Variants in MTMR9 observed in about 807,000 individuals in gnomAD.
MTMR9 encodes the protein myotubularin related protein 9.
A neutral mutation model predicts 69.5 loss-of-function variants in MTMR9; 39 were observed. The observed-to-expected ratio is 0.56, with a 90% CI of 0.43 to 0.73. The LOEUF (loss-of-function observed/expected upper bound fraction) is 0.73, where lower values mean the gene tolerates loss of function less well. Ranked by LOEUF, MTMR9 falls within the 30% of genes least tolerant of loss-of-function variation. MTMR9 has a pLI of 0.00. For synonymous variants in MTMR9, 354 were observed against 240.8 expected, an observed-to-expected ratio of 1.47 and a Z score of -4.35; for missense variants, 900 against 671.2, an observed-to-expected ratio of 1.34 and a Z score of -3.77.
At chr8:11,287,672 ATATATT>A (rs1164671147) in intron 1 of MTMR9, among the ~76,000 whole-genome samples, 2 of 141,840 alleles carry the variant, frequency 1.4e-5, no homozygotes, top group African/African-American at 2.6e-5. Flanking sequence ...TATTTATTAG[ATATATT>A]TATATTTATT....
At chr8:11,306,755 T>C (rs1799954812) in intron 5 of MTMR9, among the ~76,000 whole-genome samples, 1 of 152,218 alleles carries the variant, frequency 6.6e-6, no homozygotes, top group Non-Finnish European at 1.5e-5. Context: ...ATATATTAGT[T>C]TTAACTACAG....
At chr8:11,306,749 A>G (rs1032902311) in intron 5 of MTMR9, among the ~76,000 whole-genome samples, 3 of 152,208 alleles carry the variant, frequency 2.0e-5, no homozygotes, top group Non-Finnish European at 4.4e-5. Flanking sequence ...CATACAATAT[A>G]TTAGTTTTAA....
At chr8:11,304,426 C>T (rs764147390) in intron 3 of MTMR9, among the ~76,000 whole-genome samples, 2 of 152,058 alleles carry the variant, frequency 1.3e-5, no homozygotes, top group Non-Finnish European at 2.9e-5. Flanking sequence ...TGATGTTGGC[C>T]GTGATAATTG....
intron 6 of MTMR9, 49 bp downstream of exon 6, chr8:11,309,737 G>A (rs1238622330): frequency 2.3e-5 from 37 of 1,591,938 alleles, no homozygotes; most frequent in Non-Finnish European, 3.0e-5. Context: ...CTGCTAACTA[G>A]ACTTTGTGTT....
Position 11,284,906 on chromosome 8 carries a change from G to C in MTMR9, c.18G>C (p.Leu6=), listed in dbSNP as rs774264314. 3.1e-6 allele frequency: 5 copies of C among 1,610,940 alleles called. No individual in the cohort carries two copies. In the African/African-American group the frequency reaches 5.3e-5, roughly 17 times the overall value. The part of the protein sequence containing the change: MEFAE[L]IKTPRVDNVV... Reference sequence around the variant, plus strand: ...GGGGGAGCATGGAGTTTGCGGAGCTGATTAAGACCCCGCGGGTGGACAATG... The same window carrying C: ...GGGGGAGCATGGAGTTTGCGGAGCTCATTAAGACCCCGCGGGTGGACAATG... Residue 6 remains leucine (L), a synonymous_variant, in exon 1 of 10, where the codon CTG becomes CTC. Coordinates refer to ENST00000221086, the MANE Select transcript of MTMR9 (RefSeq NM_015458.4).
chr8:11,293,116 C>T (rs949353149), intron 1 of MTMR9, among the ~76,000 whole-genome samples: 2 of 152,180 alleles, frequency 1.3e-5, no homozygotes, highest in African/African-American at 4.8e-5. Flanking sequence ...AATATTTCCC[C>T]TGAAGACCTT....
At chr8:11,314,725 A>G (rs925062981) in intron 6 of MTMR9, among the ~76,000 whole-genome samples, 198 bp from the exon 7 acceptor site, 2 of 152,314 alleles carry the variant, frequency 1.3e-5, no homozygotes, top group African/African-American at 4.8e-5. Context: ...TCCCAAGAGA[A>G]TCTTATCTAT....
intron 2 of MTMR9, chr8:11,298,718 G>GCCCCCCCC: frequency 1.3e-6 from 1 of 798,988 alleles, no homozygotes; most frequent in Non-Finnish European, 1.5e-6. Flanking sequence ...TTTCCCCGCT[G>GCCCCCCCC]CACCCCCCCC....
Position 11,300,091 on chromosome 8 carries a change from A to G in MTMR9, c.360A>G (p.Ile120Met), listed in dbSNP as rs771044539. 1 of 1,613,712 alleles carries G rather than the reference A, an allele frequency of 6.2e-7. No homozygotes were observed. The highest frequency in any genetic ancestry group is 8.5e-7 in the Non-Finnish European group (1 of 1,179,728). The change falls in exon 3 of 10, where the codon ATA becomes ATG. Residue 120 changes from isoleucine to methionine, a missense_variant. Coordinates refer to ENST00000221086, the MANE Select transcript of MTMR9 (RefSeq NM_015458.4). Reference protein sequence around the residue: ...PFFYRPMFEVIEDGWHSFLPE... With the variant: ...PFFYRPMFEVMEDGWHSFLPE... ...TTTACCGTCCTATGTTTGAAGTGAT[A>G]GAAGATGGCTGGCATTCCTTCCTTC...
At chr8:11,338,265 A>G in the MTMR9 span, among the ~76,000 whole-genome samples, 3 of 152,232 alleles carry the variant, frequency 2.0e-5, no homozygotes, top group Non-Finnish European at 4.4e-5. Flanking sequence ...GTATGATTGC[A>G]TGAATTCATT....
chr8:11,327,815 C>T lies in MTMR9; in HGVS notation c.*5027C>T, dbSNP rs868364788. 40 of 152,172 alleles carry T rather than the reference C, an allele frequency of 2.6e-4. No individual in the cohort carries two copies. The highest frequency in any genetic ancestry group is 6.6e-5 in the Admixed American group (1 of 15,212). The allele number at this position is 152,172 out of a possible 1,614,324, so 9.4% of individuals were successfully genotyped here. A position where few individuals can be genotyped will look rare whatever the true frequency, so the allele number is the denominator to read the frequency against. On this transcript the variant is annotated 3_prime_UTR_variant, in exon 10 of 10. Coordinates refer to ENST00000221086, the MANE Select transcript of MTMR9 (RefSeq NM_015458.4). Reference sequence around the variant, plus strand: ...GGTTTCCATATTGTGAACCTGTGTACGCACACACACATATACATACAGTCT... The same window carrying T: ...GGTTTCCATATTGTGAACCTGTGTATGCACACACACATATACATACAGTCT...
chr8:11,297,090 A>T (rs1799587667), intron 2 of MTMR9, among the ~76,000 whole-genome samples: 2 of 152,204 alleles, frequency 1.3e-5, no homozygotes, highest in South Asian at 4.1e-4. Context: ...TTTCTAGACT[A>T]CTATAGGAAC....
chr8:11,336,101 A>G, the MTMR9 span, among the ~76,000 whole-genome samples: 1 of 152,234 alleles, frequency 6.6e-6, no homozygotes, highest in Non-Finnish European at 1.5e-5. Context: ...AAAGAGGTAC[A>G]ATGTAATCAA....
intron 5 of MTMR9, among the ~76,000 whole-genome samples, chr8:11,307,727 A>T (rs560752928): frequency 6.6e-6 from 1 of 152,268 alleles, no homozygotes; most frequent in African/African-American, 2.4e-5. Context: ...TTGTCTTTTT[A>T]GTAATAGCCA....
chr8:11,295,045 A>T, intron 1 of MTMR9, 149 bp from the exon 2 acceptor site: 2 of 501,486 alleles, frequency 4.0e-6, no homozygotes, highest in South Asian at 3.4e-5. Flanking sequence ...CATTTTAATG[A>T]TGCAGCCTTG....
At chr8:11,337,779 C>A in the MTMR9 span, among the ~76,000 whole-genome samples, 1 of 152,226 alleles carries the variant, frequency 6.6e-6, no homozygotes, top group Non-Finnish European at 1.5e-5. Context: ...TGACTGAATT[C>A]ATGTGCTCCG....
intron 9 of MTMR9, chr8:11,321,329 C>G (rs1179941214): frequency 4.5e-6 from 2 of 445,284 alleles, no homozygotes; most frequent in African/African-American, 4.0e-5. Context: ...GGTTCATGAT[C>G]TCTTAAACGA....
intron 9 of MTMR9, among the ~76,000 whole-genome samples, chr8:11,321,949 GA>G (rs1164886341): frequency 1.3e-5 from 2 of 151,970 alleles, no homozygotes; most frequent in Non-Finnish European, 2.9e-5. Context: ...CGTGCCTCCT[GA>G]CTTGAGTAAC....
intron 1 of MTMR9, among the ~76,000 whole-genome samples, chr8:11,290,058 G>A (rs1585106651): frequency 6.6e-6 from 1 of 152,140 alleles, no homozygotes. Flanking sequence ...GATGACAATT[G>A]CACATTGCCT....
Sources: allele counts gnomAD v4.1 joint callset (sites outside exome capture counted in the v4.1 genomes callset), GRCh38; gene constraint gnomAD v4.1.1; transcripts MANE v1.5; gene names NCBI Gene and HGNC (gene_info 2026-07-23, HGNC 2026-07-21).